The following TMEFF2 variants were observed in gnomAD, a reference collection of about 807,000 sequenced individuals.
TMEFF2 encodes the protein tomoregulin-2.
A neutral mutation model predicts 53.8 loss-of-function variants in TMEFF2; 28 were observed. That is an observed-to-expected ratio of 0.52 (90% CI 0.39 to 0.71). The LOEUF is 0.71. Among genes scored for constraint, TMEFF2 ranks in the 30% least tolerant of loss-of-function variants. TMEFF2 has a pLI of 0.00. For synonymous variants in TMEFF2, 162 were observed against 166.3 expected (o/e 0.97, Z 0.20); for missense variants, 353 against 455.2 (o/e 0.78, Z 2.04).
chr2:191,950,177 C>T lies in TMEFF2; in HGVS notation c.*134G>A. On this transcript the variant is annotated 3_prime_UTR_variant, in exon 10 of 10. Coordinates refer to ENST00000272771, the MANE Select transcript of TMEFF2 (RefSeq NM_016192.4). The stretch of plus-strand genomic sequence containing the variant: ...TACATAATCAAATATAGCTGTAGTA[C>T]ATGTTTTCATTGGTGTAGATTACCA... The T allele has an allele frequency of 1.4e-6, 2 of 1,478,990 alleles. No individual in the cohort carries two copies. The highest frequency in any genetic ancestry group is 1.8e-6 in the Non-Finnish European group (2 of 1,119,414). 91.6% of individuals were successfully genotyped at this position (1,478,990 alleles called of 1,614,324 possible).
intron 4 of TMEFF2, among the ~76,000 whole-genome samples, chr2:192,136,837 C>G (rs1473894966): frequency 6.6e-6 from 1 of 152,102 alleles, no homozygotes; most frequent in Admixed American, 6.5e-5. Flanking sequence ...TTAGATTTAT[C>G]AAAAGAACGT....
intron 5 of TMEFF2, among the ~76,000 whole-genome samples, chr2:192,041,691 T>G (rs1360412489): frequency 6.6e-6 from 1 of 152,052 alleles, no homozygotes; most frequent in African/African-American, 2.4e-5. Flanking sequence ...TTCATAGTAG[T>G]CAAAAAGTAG....
chr2:191,949,083 G>A lies in TMEFF2; in HGVS notation c.*1228C>T, dbSNP rs1185038178. On this transcript the variant is annotated 3_prime_UTR_variant, in exon 10 of 10. Coordinates refer to ENST00000272771, the MANE Select transcript of TMEFF2 (RefSeq NM_016192.4). Reference sequence around the variant, plus strand: ...AAAGAGAGCTTTATTTAAATTTACTGTGTTAGCCATGGAAAGCTTTGCAGA... The same window carrying A: ...AAAGAGAGCTTTATTTAAATTTACTATGTTAGCCATGGAAAGCTTTGCAGA... 5 of 984,746 alleles carry A rather than the reference G, an allele frequency of 5.1e-6. No homozygotes were observed. In the East Asian group the frequency reaches 4.5e-4, roughly 89 times the overall value. The allele number at this position is 984,746 out of a possible 1,614,324, so 61.0% of individuals were successfully genotyped here.
intron 4 of TMEFF2, among the ~76,000 whole-genome samples, chr2:192,061,095 C>T (rs983371704): frequency 6.6e-6 from 1 of 152,164 alleles, no homozygotes; most frequent in African/African-American, 2.4e-5. Context: ...CCACCCTGTT[C>T]TTCTTGCTGG....
At chr2:192,095,617 C>G (rs1021289723) in intron 4 of TMEFF2, among the ~76,000 whole-genome samples, 25 of 152,184 alleles carry the variant, frequency 1.6e-4, no homozygotes, top group African/African-American at 5.3e-4. Flanking sequence ...CCTCATAATA[C>G]AGATAATTTT....
intron 4 of TMEFF2, among the ~76,000 whole-genome samples, chr2:192,126,078 G>C (rs1198298881): frequency 6.6e-6 from 1 of 152,102 alleles, no homozygotes; most frequent in East Asian, 1.9e-4. Context: ...CCAATAAGTG[G>C]ATATACTCAA....
intron 4 of TMEFF2, among the ~76,000 whole-genome samples, chr2:192,141,469 A>C (rs996746193): frequency 6.6e-6 from 1 of 151,758 alleles, no homozygotes; most frequent in African/African-American, 2.4e-5. Context: ...GAAAAAAAAA[A>C]AAAAAAAAAA....
At chr2:192,060,516 T>C (rs1367498520) in intron 4 of TMEFF2, among the ~76,000 whole-genome samples, 1 of 152,192 alleles carries the variant, frequency 6.6e-6, no homozygotes, top group Non-Finnish European at 1.5e-5. Flanking sequence ...TCCATCTTAT[T>C]TAGCAAGTAC....
At chr2:191,985,728 C>T (rs1685960304) in intron 7 of TMEFF2, among the ~76,000 whole-genome samples, 1 of 152,132 alleles carries the variant, frequency 6.6e-6, no homozygotes, top group Non-Finnish European at 1.5e-5. Flanking sequence ...ATTATTGTGG[C>T]AAAGTCTTGC....
At chr2:192,128,091 T>G (rs1402123961) in intron 4 of TMEFF2, among the ~76,000 whole-genome samples, 2 of 152,288 alleles carry the variant, frequency 1.3e-5, no homozygotes, top group East Asian at 3.9e-4. Flanking sequence ...TTTTTAGTAT[T>G]TTACATAAGT....
At chr2:192,042,401 T>C (rs1028033064) in intron 5 of TMEFF2, among the ~76,000 whole-genome samples, 4 of 152,104 alleles carry the variant, frequency 2.6e-5, no homozygotes, top group African/African-American at 9.7e-5. Flanking sequence ...TGAAGTGCAG[T>C]AAAGCAAAGC....
chr2:191,991,273 T>C (rs533687375), intron 7 of TMEFF2, among the ~76,000 whole-genome samples: 16 of 152,226 alleles, frequency 1.1e-4, no homozygotes, highest in African/African-American at 3.6e-4. Context: ...CAGAAACTTC[T>C]TGTAATTGTA....
intron 5 of TMEFF2, among the ~76,000 whole-genome samples, chr2:192,041,267 TAACA>T (rs1349294889): frequency 2.0e-5 from 3 of 152,152 alleles, no homozygotes; most frequent in African/African-American, 7.2e-5. Context: ...TACAGCTCAA[TAACA>T]AATAGACAAA....
intron 4 of TMEFF2, chr2:192,179,465 T>C: frequency 4.7e-6 from 2 of 423,638 alleles, no homozygotes; most frequent in Non-Finnish European, 8.6e-6. Flanking sequence ...TAACTGGAGA[T>C]AGAGTATGAT....
Position 192,003,445 on chromosome 2 carries a change from G to A in TMEFF2, c.537-4237C>T, listed in dbSNP as rs145271922. Among the ~76,000 whole-genome samples the A allele has an allele frequency of 3.3e-3, 502 of 152,116 alleles. 2 individuals carry two copies. Among genetic ancestry groups the A allele is most frequent in the Non-Finnish European group, 4.2e-3 (285 of 67,990 alleles). On this transcript the variant is annotated intron_variant, in intron 5 of 9. Coordinates refer to ENST00000272771, the MANE Select transcript of TMEFF2 (RefSeq NM_016192.4). ...TGAGTAAATAGGATTTGAAAACCAA[G>A]GCTATGTCTACTCTTGGAATATGTC...
chr2:191,964,213 TTTCTGTCTGTCTTTCTTTCCTTCC>T (rs1187839662), intron 7 of TMEFF2, among the ~76,000 whole-genome samples: 1 of 141,394 alleles, frequency 7.1e-6, no homozygotes, highest in African/African-American at 2.8e-5. Context: ...TCTTTCTCTC[TTTCTGTCTGTCTTTCTTTCCTTCC>T]TTCCTTCCTT....
intron 4 of TMEFF2, among the ~76,000 whole-genome samples, chr2:192,095,819 C>G (rs73982390): frequency 0.016 from 2,445 of 152,184 alleles, 69 homozygotes; most frequent in African/African-American, 0.055. Context: ...AAATAATTAA[C>G]TGACAAAATA....
chr2:192,007,729 A>G (rs1686533298), intron 5 of TMEFF2, among the ~76,000 whole-genome samples: 1 of 152,196 alleles, frequency 6.6e-6, no homozygotes. Context: ...GCGGTGCTTT[A>G]GAAAGATGGC....
At chr2:192,011,280 A>G (rs1686618768) in intron 5 of TMEFF2, among the ~76,000 whole-genome samples, 1 of 152,210 alleles carries the variant, frequency 6.6e-6, no homozygotes, top group Non-Finnish European at 1.5e-5. Flanking sequence ...GAAAAATCAA[A>G]CAGGAATCCT....
Sources: allele counts gnomAD v4.1 joint callset (sites outside exome capture counted in the v4.1 genomes callset), GRCh38; gene constraint gnomAD v4.1.1; transcripts MANE v1.5; gene names NCBI Gene and HGNC (gene_info 2026-07-23, HGNC 2026-07-21).